The following SNX10 variants were observed in gnomAD, a reference collection of about 807,000 sequenced individuals.
SNX10 encodes sorting nexin 10.
Under a neutral mutation model 28.5 loss-of-function variants are expected in SNX10, and 25 were observed. The ratio of observed to expected loss-of-function variants is 0.88; its 90% CI spans 0.64 to 1.22. SNX10 has a LOEUF of 1.22. SNX10 is among the 50% of genes most tolerant of loss of function. SNX10 has a pLI of 0.00. For synonymous variants in SNX10, 62 were observed against 81.4 expected, an observed-to-expected ratio of 0.76 and a Z score of 1.28; for missense variants, 223 against 242.6, an observed-to-expected ratio of 0.92 and a Z score of 0.54.
At chr7:26,333,195 C>G (rs1256818911) in intron 1 of SNX10, among the ~76,000 whole-genome samples, 1 of 152,056 alleles carries the variant, frequency 6.6e-6, no homozygotes, top group Non-Finnish European at 1.5e-5. Context: ...AAATTGTCTT[C>G]CAGTTCATGA....
intron 1 of SNX10, among the ~76,000 whole-genome samples, chr7:26,303,136 T>C (rs1255001343): frequency 6.6e-6 from 1 of 152,156 alleles, no homozygotes; most frequent in African/African-American, 2.4e-5. Flanking sequence ...TCCCCTAAAG[T>C]CTTTGAAAGG....
chr7:26,358,790 A>G (rs1455546210), intron 2 of SNX10, among the ~76,000 whole-genome samples: 3 of 131,846 alleles, frequency 2.3e-5, no homozygotes, highest in South Asian at 2.3e-4. Context: ...GAGCATCACT[A>G]TAGTGTTATC....
intron 2 of SNX10, among the ~76,000 whole-genome samples, chr7:26,356,090 A>T (rs1788807672): frequency 6.6e-6 from 1 of 152,312 alleles, no homozygotes; most frequent in Non-Finnish European, 1.5e-5. Context: ...GTAGAAGTGG[A>T]TAATGGTCAA....
At chr7:26,305,919 ATCTC>A (rs1302776284) in intron 1 of SNX10, among the ~76,000 whole-genome samples, 2 of 151,934 alleles carry the variant, frequency 1.3e-5, no homozygotes, top group African/African-American at 2.4e-5. Context: ...TTTAGACAGA[ATCTC>A]TCTCTCTGTC....
intron 1 of SNX10, among the ~76,000 whole-genome samples, chr7:26,341,572 G>A (rs986733522): frequency 6.6e-6 from 1 of 151,256 alleles, no homozygotes; most frequent in Non-Finnish European, 1.5e-5. Context: ...TTGACTCACT[G>A]CAACCTTGGC....
chr7:26,295,734 T>C (rs1472723024), intron 1 of SNX10, among the ~76,000 whole-genome samples: 1 of 152,192 alleles, frequency 6.6e-6, no homozygotes, highest in African/African-American at 2.4e-5. Context: ...CAAAGCTGCC[T>C]GGAAGTGCCT....
In SNX10 at chr7:26,292,623, C is replaced by T. The variant is rs755996067; in HGVS notation, c.-24+537C>T. Among the ~76,000 whole-genome samples, 65 of 152,178 alleles carry T rather than the reference C, an allele frequency of 4.3e-4. 1 individual carries two copies. Among genetic ancestry groups the T allele is most frequent in the Non-Finnish European group, 7.1e-4 (48 of 68,008 alleles). ...GATTTGGTGACCAGGAAAGCAACAG[C>T]CTGTTTTTCAGTTCCGATGCATCAT... On this transcript the variant is annotated intron_variant, in intron 1 of 6. Coordinates refer to ENST00000338523, the MANE Select transcript of SNX10 (RefSeq NM_013322.3).
At chr7:26,317,800 T>C (rs998407393) in intron 1 of SNX10, among the ~76,000 whole-genome samples, 39 of 151,970 alleles carry the variant, frequency 2.6e-4, no homozygotes, top group African/African-American at 8.9e-4. Flanking sequence ...ATAGCTGAGA[T>C]TAAAGGCACA....
At chr7:26,338,000 C>T (rs13239699) in intron 1 of SNX10, among the ~76,000 whole-genome samples, 6,286 of 151,992 alleles carry the variant, frequency 0.041, 165 homozygotes, top group East Asian at 0.098. Flanking sequence ...TCTATCCTAA[C>T]GGGTGTGAGT....
chr7:26,297,639 T>C (rs1412304230), intron 1 of SNX10, among the ~76,000 whole-genome samples: 2 of 152,164 alleles, frequency 1.3e-5, no homozygotes, highest in Non-Finnish European at 2.9e-5. Flanking sequence ...CTTCCTTCTT[T>C]CCTCACATCT....
At chr7:26,294,297 C>G (rs1786030566) in intron 1 of SNX10, among the ~76,000 whole-genome samples, 1 of 152,180 alleles carries the variant, frequency 6.6e-6, no homozygotes, top group Admixed American at 6.5e-5. Context: ...GTGGTTAGAA[C>G]TTGTGATTCC....
chr7:26,341,288 C>A (rs750470478), intron 1 of SNX10, among the ~76,000 whole-genome samples: 1 of 151,968 alleles, frequency 6.6e-6, no homozygotes, highest in Non-Finnish European at 1.5e-5. Flanking sequence ...GACAGTGAGA[C>A]CCTGTCTCTA....
chr7:26,310,180 G>C (rs1786766148), intron 1 of SNX10, among the ~76,000 whole-genome samples: 2 of 152,214 alleles, frequency 1.3e-5, no homozygotes, highest in Non-Finnish European at 2.9e-5. Context: ...AGGTGGGCTG[G>C]CCCGAGAGGC....
chr7:26,326,321 C>T (rs774553490), intron 1 of SNX10, among the ~76,000 whole-genome samples: 1 of 152,166 alleles, frequency 6.6e-6, no homozygotes, highest in Non-Finnish European at 1.5e-5. Flanking sequence ...TCAAATAAGA[C>T]AATCATGTGG....
intron 1 of SNX10, among the ~76,000 whole-genome samples, chr7:26,333,785 T>TG (rs1787829869): frequency 6.6e-6 from 1 of 152,120 alleles, no homozygotes; most frequent in African/African-American, 2.4e-5. Flanking sequence ...CAGGAGGTTG[T>TG]GTTCTCAGGT....
intron 1 of SNX10, among the ~76,000 whole-genome samples, chr7:26,325,536 A>G (rs1787473269): frequency 6.7e-6 from 1 of 149,396 alleles, no homozygotes; most frequent in African/African-American, 2.5e-5. Context: ...CTGGTCTCGA[A>G]CTCCTAACTT....
chr7:26,347,939 G>A (rs1172930123), intron 2 of SNX10, among the ~76,000 whole-genome samples: 1 of 130,278 alleles, frequency 7.7e-6, no homozygotes, highest in Non-Finnish European at 1.6e-5. Context: ...GTAGCTCAAT[G>A]GATTTTTGTC....
chr7:26,329,541 T>C (rs771896126), intron 1 of SNX10, among the ~76,000 whole-genome samples: 1 of 152,254 alleles, frequency 6.6e-6, no homozygotes, highest in African/African-American at 2.4e-5. Context: ...GTTCTCTCAC[T>C]ATTATGTAAG....
intron 1 of SNX10, among the ~76,000 whole-genome samples, chr7:26,295,476 T>C (rs1482962710): frequency 6.6e-6 from 1 of 152,226 alleles, no homozygotes; most frequent in Non-Finnish European, 1.5e-5. Flanking sequence ...CACCATTTTA[T>C]TCTAATAATC....
Sources: gnomAD v4.1 joint callset for allele counts (sites outside exome capture counted in the v4.1 genomes callset) on GRCh38, gnomAD v4.1.1 for gene constraint, MANE v1.5 for transcripts, NCBI Gene and HGNC (gene_info 2026-07-23, HGNC 2026-07-21) for gene names.